RAB3B: variants seen among roughly 807,000 people sequenced by gnomAD.
RAB3B encodes the protein ras-related protein Rab-3B.
In RAB3B, 11 loss-of-function variants were observed where a neutral mutation model predicts 20.5. The ratio of observed to expected loss-of-function variants is 0.54; its 90% CI spans 0.34 to 0.89. RAB3B has a LOEUF of 0.89. Ranked by LOEUF, RAB3B falls within the 40% of genes least tolerant of loss-of-function variation. The pLI, the probability that RAB3B is intolerant of heterozygous loss-of-function variation, is 0.02. For synonymous variants in RAB3B, 99 were observed against 106.3 expected (o/e 0.93, Z 0.42); for missense variants, 225 against 280.9 (o/e 0.80, Z 1.42).
At chr1:51,971,939 G>A (rs965637480) in intron 2 of RAB3B, among the ~76,000 whole-genome samples, 4 of 152,090 alleles carry the variant, frequency 2.6e-5, no homozygotes, top group Admixed American at 6.5e-5. Flanking sequence ...CCAGAGCTTC[G>A]GGAGGCCGAG....
At chr1:51,928,498 G>A (rs1361804351) in intron 4 of RAB3B, among the ~76,000 whole-genome samples, 2 of 152,212 alleles carry the variant, frequency 1.3e-5, no homozygotes, top group Non-Finnish European at 2.9e-5. Flanking sequence ...TCCTGAGGAG[G>A]GATCCCATAA....
intron 2 of RAB3B, among the ~76,000 whole-genome samples, chr1:51,974,412 A>C (rs1408254497): frequency 6.6e-6 from 1 of 152,170 alleles, no homozygotes; most frequent in African/African-American, 2.4e-5. Context: ...AATAGTTCTG[A>C]GGTGGGCCTG....
intron 2 of RAB3B, among the ~76,000 whole-genome samples, chr1:51,976,151 AATTTATTTATTT>A (rs113552260): frequency 2.7e-5 from 4 of 150,436 alleles, no homozygotes; most frequent in Admixed American, 1.3e-4. Flanking sequence ...TGACACTACC[AATTTATTTATTT>A]ATTTATTTAT....
chr1:51,983,565 G>A (rs932204057), intron 1 of RAB3B, among the ~76,000 whole-genome samples: 7 of 151,958 alleles, frequency 4.6e-5, no homozygotes, highest in South Asian at 2.1e-4. Context: ...CTATGAAATC[G>A]GCTAATGACA....
chr1:51,962,771 C>A (rs924298959), intron 2 of RAB3B, among the ~76,000 whole-genome samples: 4 of 152,174 alleles, frequency 2.6e-5, no homozygotes, highest in African/African-American at 9.7e-5. Context: ...TACCTCCTTG[C>A]TGTAATCAAA....
intron 3 of RAB3B, 52 bp from the exon 4 acceptor site, chr1:51,933,494 T>C: frequency 6.5e-7 from 1 of 1,534,028 alleles, no homozygotes. Flanking sequence ...AGACTGAATG[T>C]CTGTGTCCCC....
In RAB3B at chr1:51,908,199, A is replaced by G. The variant is rs1319095825; in HGVS notation, c.*11728T>C. 1 of 152,154 alleles carries G rather than the reference A, an allele frequency of 6.6e-6. No individual in the cohort carries two copies. The highest frequency in any genetic ancestry group is 1.9e-4 in the East Asian group (1 of 5,190). 9.4% of individuals were successfully genotyped at this position (152,154 alleles called of 1,614,324 possible). Reference sequence around the variant, plus strand: ...TGCCACTGAGAAGAGGTGTCAGTATACAGAACATAGGAAGAAGAAAAAAGC... The same window carrying G: ...TGCCACTGAGAAGAGGTGTCAGTATGCAGAACATAGGAAGAAGAAAAAAGC... On this transcript the variant is annotated 3_prime_UTR_variant, in exon 5 of 5. Coordinates refer to ENST00000371655, the MANE Select transcript of RAB3B (RefSeq NM_002867.4).
chr1:51,956,082 G>A (rs1248026513), intron 2 of RAB3B, among the ~76,000 whole-genome samples: 1 of 152,158 alleles, frequency 6.6e-6, no homozygotes, highest in Non-Finnish European at 1.5e-5. Context: ...ACAGCTGTAA[G>A]GCTGGGAGGC....
intron 2 of RAB3B, among the ~76,000 whole-genome samples, chr1:51,938,575 A>G (rs1017885226): frequency 1.3e-5 from 2 of 152,200 alleles, no homozygotes; most frequent in African/African-American, 2.4e-5. Context: ...TTTTATAACT[A>G]TATGTGCACA....
chr1:51,912,348 T>A lies in RAB3B; in HGVS notation c.*7579A>T. On this transcript the variant is annotated 3_prime_UTR_variant, in exon 5 of 5. Coordinates refer to ENST00000371655, the MANE Select transcript of RAB3B (RefSeq NM_002867.4). Reference sequence around the variant, plus strand: ...AGGGTTTCACCGTCTTGCCAAGGTTTGGATTGTTTTTGTGTGAAGTAAACC... The same window carrying A: ...AGGGTTTCACCGTCTTGCCAAGGTTAGGATTGTTTTTGTGTGAAGTAAACC... 1 of 149,682 alleles carries A rather than the reference T, an allele frequency of 6.7e-6. No homozygotes were observed. Among genetic ancestry groups the A allele is most frequent in the East Asian group, 1.9e-4 (1 of 5,146 alleles). The allele number at this position is 149,682 out of a possible 1,614,324, so 9.3% of individuals were successfully genotyped here.
chr1:51,930,972 G>A (rs1018993850), intron 4 of RAB3B, among the ~76,000 whole-genome samples: 6 of 151,742 alleles, frequency 4.0e-5, no homozygotes, highest in East Asian at 3.9e-4. Context: ...AGCCGAGATC[G>A]CCCCACTGCA....
intron 2 of RAB3B, among the ~76,000 whole-genome samples, chr1:51,950,265 AG>A (rs1258431379): frequency 1.3e-5 from 2 of 152,234 alleles, no homozygotes; most frequent in Non-Finnish European, 2.9e-5. Context: ...GGGTTTCATC[AG>A]GGACCTGTCC....
At chr1:51,978,975 ACTC>A (rs1685046785) in intron 1 of RAB3B, among the ~76,000 whole-genome samples, 1 of 151,966 alleles carries the variant, frequency 6.6e-6, no homozygotes, top group African/African-American at 2.4e-5. Flanking sequence ...TCACCACTGG[ACTC>A]CTGTGGTCTC....
In RAB3B at chr1:51,919,872, G is replaced by A; in HGVS notation, c.*55C>T. On this transcript the variant is annotated 3_prime_UTR_variant, in exon 5 of 5. Transcript: ENST00000371655. ...GAGAGCGGACAGTGTGTAACAGGGAGAAGCAGACTGGGTGTGGGGCCACAA... is the reference window on the plus strand; with the variant it reads ...GAGAGCGGACAGTGTGTAACAGGGAAAAGCAGACTGGGTGTGGGGCCACAA... The A allele has an allele frequency of 6.5e-7, 1 of 1,529,218 alleles. No homozygotes were observed. The highest frequency in any genetic ancestry group is 8.9e-7 in the Non-Finnish European group (1 of 1,121,534). The allele number at this position is 1,529,218 out of a possible 1,614,324, so 94.7% of individuals were successfully genotyped here.
Position 51,914,534 on chromosome 1 carries a change from C to T in RAB3B, c.*5393G>A, listed in dbSNP as rs1684054571. The T allele has an allele frequency of 6.6e-6, 1 of 152,114 alleles. No homozygotes were observed. Among genetic ancestry groups the T allele is most frequent in the Non-Finnish European group, 1.5e-5 (1 of 68,024 alleles). 9.4% of individuals were successfully genotyped at this position (152,114 alleles called of 1,614,324 possible). ...TGTCTAATTTGCCACTACTTGTATC[C>T]TGGCACATAATATATATTCATTTGT... On this transcript the variant is annotated 3_prime_UTR_variant, in exon 5 of 5. Coordinates refer to ENST00000371655, the MANE Select transcript of RAB3B (RefSeq NM_002867.4).
At chr1:51,988,766 G>C (rs1312520776) in intron 1 of RAB3B, among the ~76,000 whole-genome samples, 1 of 152,162 alleles carries the variant, frequency 6.6e-6, no homozygotes, top group Non-Finnish European at 1.5e-5. Flanking sequence ...GCTTAGAGGG[G>C]AAATCTATTT....
intron 4 of RAB3B, among the ~76,000 whole-genome samples, chr1:51,925,156 C>A (rs1571956930): frequency 6.6e-6 from 1 of 152,224 alleles, no homozygotes; most frequent in African/African-American, 2.4e-5. Context: ...CTCATCCCAA[C>A]ACTGCTCCAG....
chr1:51,979,912 G>A (rs1172024210), intron 1 of RAB3B, among the ~76,000 whole-genome samples: 1 of 151,532 alleles, frequency 6.6e-6, no homozygotes, highest in East Asian at 2.0e-4. Context: ...GGGTGGTGGC[G>A]GGTGCCTGTA....
chr1:51,967,607 G>A (rs1684875050), intron 2 of RAB3B, among the ~76,000 whole-genome samples: 1 of 133,544 alleles, frequency 7.5e-6, no homozygotes, highest in African/African-American at 2.7e-5. Flanking sequence ...AGGCAGCCTT[G>A]ACCTCCCAGG....
Sources: allele counts gnomAD v4.1 joint callset (sites outside exome capture counted in the v4.1 genomes callset), GRCh38; gene constraint gnomAD v4.1.1; transcripts MANE v1.5; gene names NCBI Gene and HGNC (gene_info 2026-07-23, HGNC 2026-07-21).